SYCP1: variants seen among roughly 807,000 people sequenced by gnomAD.
The protein encoded by SYCP1 is cancer/testis antigen 8.
A neutral mutation model predicts 153.1 loss-of-function variants in SYCP1; 64 were observed. The observed-to-expected ratio is 0.42, with a 90% confidence interval of 0.34 to 0.51. The LOEUF (loss-of-function observed/expected upper bound fraction) is 0.51, where lower values mean the gene tolerates loss of function less well. Ranked by LOEUF, SYCP1 falls within the 20% of genes least tolerant of loss-of-function variation. SYCP1 has a pLI of 0.06. For synonymous variants in SYCP1, 384 were observed against 341.8 expected (o/e 1.12, Z -1.36); for missense variants, 997 against 1,049.0 (o/e 0.95, Z 0.68).
At chr1:114,872,006 C>CT (rs71582510) in intron 8 of SYCP1, among the ~76,000 whole-genome samples, 27,643 of 127,048 alleles carry the variant, frequency 0.22, 3,772 homozygotes, top group Non-Finnish European at 0.3. Context: ...CTTTCTTTTT[C>CT]TTTTTTTTTT....
intron 9 of SYCP1, among the ~76,000 whole-genome samples, chr1:114,875,173 TATG>T (rs1553186151): frequency 8.3e-6 from 1 of 120,424 alleles, no homozygotes; most frequent in East Asian, 1.9e-4. Flanking sequence ...ATGTATTTGA[TATG>T]TGTGTGTGTG....
At chr1:114,925,558 C>G (rs991322285) in intron 21 of SYCP1, among the ~76,000 whole-genome samples, 5 of 152,044 alleles carry the variant, frequency 3.3e-5, no homozygotes, top group African/African-American at 4.8e-5. Flanking sequence ...TTTTCTTCCC[C>G]CAATCTGCTA....
rs555567420 is a variant in SYCP1 at position 114,947,426 on chromosome 1, G to A, written c.2322+106G>A. Reference sequence around the variant, plus strand: ...AAATAATTTGATAAATTTTAATAACGGGATGAGAAAATAATTTTCCCCCAG... The same window carrying A: ...AAATAATTTGATAAATTTTAATAACAGGATGAGAAAATAATTTTCCCCCAG... On this transcript the variant is annotated intron_variant, in intron 27 of 31. Transcript: ENST00000369522. 5.7e-4 allele frequency: 437 copies of A among 766,460 alleles called. 6 individuals are homozygous for A. In the South Asian group the frequency reaches 7.1e-3, roughly 12 times the overall value. 47.5% of individuals were successfully genotyped at this position (766,460 alleles called of 1,614,324 possible).
intron 23 of SYCP1, among the ~76,000 whole-genome samples, chr1:114,932,766 G>T (rs1206433095): frequency 1.3e-5 from 2 of 152,236 alleles, no homozygotes; most frequent in South Asian, 2.1e-4. Flanking sequence ...CCCTTGCCTG[G>T]CTGGGAGGGT....
At chr1:114,923,356 G>A in intron 20 of SYCP1, 93 bp from the exon 21 acceptor site, 1 of 1,320,512 alleles carries the variant, frequency 7.6e-7, no homozygotes, top group Non-Finnish European at 1.0e-6. Flanking sequence ...GTTAAAGAAT[G>A]TGGTCTTTAA....
intron 9 of SYCP1, among the ~76,000 whole-genome samples, chr1:114,875,008 A>G (rs536384811): frequency 3.9e-5 from 6 of 152,236 alleles, no homozygotes; most frequent in Admixed American, 3.3e-4. Flanking sequence ...TACCCTTTGC[A>G]GAACTTTTAT....
At chr1:114,896,169 G>A (rs1397213175) in intron 16 of SYCP1, among the ~76,000 whole-genome samples, 2 of 152,172 alleles carry the variant, frequency 1.3e-5, no homozygotes, top group Admixed American at 6.5e-5. Flanking sequence ...GGCCCCTGAT[G>A]TAGAATATAA....
intron 27 of SYCP1, among the ~76,000 whole-genome samples, chr1:114,948,367 T>C (rs1258719523): frequency 1.3e-5 from 2 of 152,204 alleles, no homozygotes; most frequent in Admixed American, 6.5e-5. Flanking sequence ...TTATTCAGGA[T>C]TACGTAGTAA....
chr1:114,911,266 C>T (rs1202778336), intron 17 of SYCP1, among the ~76,000 whole-genome samples: 4 of 151,840 alleles, frequency 2.6e-5, no homozygotes, highest in African/African-American at 2.4e-5. Context: ...TTGAATTTTA[C>T]AATATCGAGA....
intron 14 of SYCP1, among the ~76,000 whole-genome samples, chr1:114,887,192 C>G (rs1320198318): frequency 6.6e-6 from 1 of 152,000 alleles, no homozygotes; most frequent in Non-Finnish European, 1.5e-5. Flanking sequence ...TTCCTCTATC[C>G]CTATTACCTC....
chr1:114,894,537 T>G (rs1666930898), intron 15 of SYCP1, among the ~76,000 whole-genome samples: 2 of 152,192 alleles, frequency 1.3e-5, no homozygotes, highest in African/African-American at 4.8e-5. Context: ...TTCAATTTAT[T>G]AGCATAATGT....
At chr1:114,905,194 T>C (rs893962724) in intron 16 of SYCP1, among the ~76,000 whole-genome samples, 2 of 152,202 alleles carry the variant, frequency 1.3e-5, no homozygotes, top group Non-Finnish European at 2.9e-5. Flanking sequence ...ATGCTGGCTT[T>C]GTAAAATGAA....
chr1:114,866,758 A>G (rs1308347625), intron 8 of SYCP1, among the ~76,000 whole-genome samples: 1 of 131,414 alleles, frequency 7.6e-6, no homozygotes, highest in African/African-American at 2.6e-5. Flanking sequence ...GATTGTATCT[A>G]AAAAAAAAAA....
chr1:114,883,513 T>C (rs1446446371), intron 12 of SYCP1, among the ~76,000 whole-genome samples: 1 of 152,190 alleles, frequency 6.6e-6, no homozygotes, highest in Non-Finnish European at 1.5e-5. Flanking sequence ...CTGAAGAAAA[T>C]TTGCATATTC....
intron 28 of SYCP1, among the ~76,000 whole-genome samples, chr1:114,979,680 A>G (rs1673028283): frequency 6.6e-6 from 1 of 151,870 alleles, no homozygotes; most frequent in African/African-American, 2.4e-5. Context: ...GGATACAGAA[A>G]TGCAATTCTG....
chr1:114,947,797 G>C (rs1425371501), intron 27 of SYCP1, among the ~76,000 whole-genome samples: 1 of 106,968 alleles, frequency 9.3e-6, no homozygotes, highest in African/African-American at 3.6e-5. Flanking sequence ...GGGAGACAGA[G>C]CGAGACTCCG....
chr1:114,926,614 A>G (rs770382752), intron 23 of SYCP1, 51 bp downstream of exon 23: 1 of 1,421,458 alleles, frequency 7.0e-7, no homozygotes, highest in Non-Finnish European at 9.6e-7. Context: ...ATAGATGAGA[A>G]TTTAGACATT....
chr1:114,994,136 G>C (rs1674112474), intron 30 of SYCP1, among the ~76,000 whole-genome samples: 1 of 151,200 alleles, frequency 6.6e-6, no homozygotes, highest in South Asian at 2.1e-4. Context: ...ATGGATACTT[G>C]GGTTGCTTCC....
At chr1:114,896,558 C>T (rs910071165) in intron 16 of SYCP1, among the ~76,000 whole-genome samples, 4 of 152,150 alleles carry the variant, frequency 2.6e-5, no homozygotes, top group African/African-American at 9.7e-5. Flanking sequence ...ACCCTTTAGA[C>T]TCCTTACCTA....
Sources: allele counts gnomAD v4.1 joint callset (sites outside exome capture counted in the v4.1 genomes callset), GRCh38; gene constraint gnomAD v4.1.1; transcripts MANE v1.5; gene names NCBI Gene and HGNC (gene_info 2026-07-23, HGNC 2026-07-21).